Variants in NPIPB5 observed in about 807,000 individuals in gnomAD.
NPIPB5 encodes nuclear pore complex interacting protein family member B5, also known as nuclear pore complex-interacting protein family member B5.
For missense variants in NPIPB5, 10 were observed against 414.7 expected, an observed-to-expected ratio of 0.02 and a Z score of 8.48; for synonymous variants, 1 against 168.2, an observed-to-expected ratio of 0.01 and a Z score of 7.69.
In NPIPB5 at chr16:22,529,418, C is replaced by G. The variant is rs1314597238; in HGVS notation, c.545+1445C>G. Among the ~76,000 whole-genome samples the G allele has an allele frequency of 4.7e-5, 7 of 148,976 alleles. No homozygotes were observed. The East Asian group carries it at 1.0e-3, about 22-fold the overall frequency. On this transcript the variant is annotated intron_variant, in intron 4 of 6. Coordinates refer to ENST00000424340, the Ensembl canonical transcript of NPIPB5. Reference sequence around the variant, plus strand: ...AGGGTATTTCCTGTCCACCTTTATTCTGATGCATGACTCTTCTGGGTCTCA... The same window carrying G: ...AGGGTATTTCCTGTCCACCTTTATTGTGATGCATGACTCTTCTGGGTCTCA...
chr16:22,527,686 G>A, intron 3 of NPIPB5, 21 bp downstream of exon 3: 2 of 24,648 alleles, frequency 8.1e-5, no homozygotes, highest in South Asian at 2.4e-4. Flanking sequence ...GTTGGAATCC[G>A]CATAGTGTGG....
At chr16:22,528,692 ATTTTTTTTTTTTT>A (rs1175345253) in intron 4 of NPIPB5, among the ~76,000 whole-genome samples, 1 of 49,192 alleles carries the variant, frequency 2.0e-5, no homozygotes, top group African/African-American at 9.8e-5. Flanking sequence ...CATTTGACCA[ATTTTTTTTTTTTT>A]TTTTTTTTTT....
intron 4 of NPIPB5, among the ~76,000 whole-genome samples, chr16:22,528,707 T>TTTTTTTTG: frequency 7.6e-6 from 1 of 132,316 alleles, no homozygotes; most frequent in Non-Finnish European, 1.6e-5. Context: ...TTTTTTTTTT[T>TTTTTTTTG]TTTTTTTTTT....
At chr16:22,518,136 A>G (rs2049806181) in intron 1 of NPIPB5, among the ~76,000 whole-genome samples, 1 of 43,318 alleles carries the variant, frequency 2.3e-5, no homozygotes, top group African/African-American at 8.5e-5. Context: ...GCTGGTCTGG[A>G]ACTCCTGACC....
At chr16:22,528,692 A>ATTTTTTTTTC (rs2049839553) in intron 4 of NPIPB5, among the ~76,000 whole-genome samples, 1 of 49,194 alleles carries the variant, frequency 2.0e-5, no homozygotes, top group Non-Finnish European at 3.2e-5. Flanking sequence ...CATTTGACCA[A>ATTTTTTTTTC]TTTTTTTTTT....
chr16:22,518,091 T>C (rs1456701445), intron 1 of NPIPB5, among the ~76,000 whole-genome samples: 2 of 46,420 alleles, frequency 4.3e-5, no homozygotes, highest in Non-Finnish European at 8.4e-5. Context: ...AATTTTTGTA[T>C]TTTATTAGAG....
chr16:22,514,891 C>CACACACACACACACAT lies in NPIPB5; in HGVS notation c.120+979_120+980insCACACATACACACACA, dbSNP rs2049787100. Among the ~76,000 whole-genome samples the CACACACACACACACAT allele has an allele frequency of 6.8e-5, 3 of 43,830 alleles. 1 individual carries two copies. Among genetic ancestry groups the CACACACACACACACAT allele is most frequent in the Admixed American group, 5.6e-4 (2 of 3,540 alleles). The allele number at this position is 43,830 out of a possible 152,430, so 28.8% of individuals were successfully genotyped here. On this transcript the variant is annotated intron_variant, in intron 1 of 6. Coordinates refer to ENST00000424340, the Ensembl canonical transcript of NPIPB5. ...ACACACACACACACACACACACACACACACACACATATTTTTTGAGACAGA... is the reference window on the plus strand; with the variant it reads ...ACACACACACACACACACACACACACACACACACACACACATACACACACATATTTTTTGAGACAGA...
At chr16:22,527,598 A>G (rs1185528463) in exon 3 of NPIPB5, 2 of 5,648 alleles carry the variant, frequency 3.5e-4, no homozygotes, top group South Asian at 2.2e-3. Context: ...TCTGGTCTCG[A>G]AATGGACATG....
At chr16:22,510,962 C>G (rs1854073765), upstream of NPIPB5, among the ~76,000 whole-genome samples, 1 of 15,348 alleles carries the variant, frequency 6.5e-5, no homozygotes, top group Admixed American at 7.7e-4. Flanking sequence ...CCTCCGCATC[C>G]TGGGTTCAAG....
At chr16:22,510,602 G>A (rs771416), upstream of NPIPB5, among the ~76,000 whole-genome samples, 22 of 23,238 alleles carry the variant, frequency 9.5e-4, no homozygotes, top group Admixed American at 2.2e-3. Context: ...CAGCTTAGGC[G>A]ACAGAGCCAG....
rs1396693078 is a variant in NPIPB5 at position 22,528,240 on chromosome 16, T to C, written c.545+267T>C. 528 of 376,140 alleles carry C rather than the reference T, an allele frequency of 1.4e-3. 3 individuals are homozygous for C. Among genetic ancestry groups the C allele is most frequent in the East Asian group, 9.0e-3 (129 of 14,370 alleles). 23.3% of individuals were successfully genotyped at this position (376,140 alleles called of 1,614,324 possible). A position where few individuals can be genotyped will look rare whatever the true frequency, so the allele number is the denominator to read the frequency against. ...TTTTTTTTTTTTTTTTTTTTTTTTT[T>C]CCTGAGATGGAGCTTTGCTGTTGTT... On this transcript the variant is annotated intron_variant, in intron 4 of 6. Coordinates refer to ENST00000424340, the Ensembl canonical transcript of NPIPB5.
intron 1 of NPIPB5, among the ~76,000 whole-genome samples, chr16:22,517,906 T>G (rs2141912002): frequency 7.1e-6 from 1 of 140,348 alleles, no homozygotes; most frequent in Middle Eastern, 3.7e-3. Context: ...GTTAACCCTG[T>G]TTTTTGTTTG....
At chr16:22,536,418 A>G (rs2141927135) in exon 7 of NPIPB5, 1 of 102,254 alleles carries the variant, frequency 9.8e-6, no homozygotes, top group South Asian at 1.4e-4. Flanking sequence ...CTGAGCAATA[A>G]GAATAAAACC....
chr16:22,529,911 A>G (rs1401316521), intron 4 of NPIPB5, among the ~76,000 whole-genome samples: 1 of 80,982 alleles, frequency 1.2e-5, no homozygotes, highest in Non-Finnish European at 2.2e-5. Context: ...TAGCGTGGGG[A>G]CAGGACCCTG....
rs776660903 is a variant in NPIPB5 at position 22,514,835 on chromosome 16, T to TACACACACAC, written c.120+970_120+979dup. 1.4e-3 allele frequency among the ~76,000 whole-genome samples: 30 copies of TACACACACAC among 21,936 alleles called. 3 individuals carry two copies. The highest frequency in any genetic ancestry group is 3.5e-3 in the South Asian group (1 of 286). 14.4% of individuals were successfully genotyped at this position (21,936 alleles called of 152,430 possible). On this transcript the variant is annotated intron_variant, in intron 1 of 6. Coordinates refer to ENST00000424340, the Ensembl canonical transcript of NPIPB5. ...CTTTTATTTTTGAGATTTATATAGA[T>TACACACACAC]ACACACACACACACACACACACACA...
chr16:22,528,778 A>G (rs2049843225), intron 4 of NPIPB5, among the ~76,000 whole-genome samples: 1 of 128,446 alleles, frequency 7.8e-6, no homozygotes, highest in Non-Finnish European at 1.5e-5. Context: ...ATCTTGGCTC[A>G]CTGCAGCCTC....
At chr16:22,528,692 ATTTTT>A (rs1175345253) in intron 4 of NPIPB5, among the ~76,000 whole-genome samples, 18 of 49,178 alleles carry the variant, frequency 3.7e-4, no homozygotes, top group East Asian at 2.9e-3. Flanking sequence ...CATTTGACCA[ATTTTT>A]TTTTTTTTTT....
chr16:22,529,658 A>G (rs1245065945), intron 4 of NPIPB5, among the ~76,000 whole-genome samples: 2 of 135,902 alleles, frequency 1.5e-5, no homozygotes, highest in African/African-American at 2.9e-5. Context: ...TCTTCACCTC[A>G]TGTCTGTTTA....
At chr16:22,514,904 T>TCACA (rs2049788805) in intron 1 of NPIPB5, among the ~76,000 whole-genome samples, 7 of 22,094 alleles carry the variant, frequency 3.2e-4, no homozygotes, top group Non-Finnish European at 4.8e-4. Context: ...ACACACATAT[T>TCACA]TTTTGAGACA....
Sources: gnomAD v4.1 joint callset for allele counts (sites outside exome capture counted in the v4.1 genomes callset) on GRCh38, gnomAD v4.1.1 for gene constraint, MANE v1.5 for transcripts, NCBI Gene and HGNC (gene_info 2026-07-23, HGNC 2026-07-21) for gene names.